B4GALNT3: variants seen among roughly 807,000 people sequenced by gnomAD.
B4GALNT3 encodes the protein beta-1,4-N-acetylgalactosaminyltransferase 3.
B4GALNT3 carries 86 observed loss-of-function variants against 120.2 expected under a neutral mutation model. The ratio of observed to expected loss-of-function variants is 0.72; its 90% CI spans 0.60 to 0.86. B4GALNT3 has a LOEUF of 0.86. Among genes scored for constraint, B4GALNT3 ranks in the 40% least tolerant of loss-of-function variants. The probability of loss-of-function intolerance (pLI) is 0.00; values close to 1 mark genes in which losing one functional copy is unlikely to be tolerated. For missense variants in B4GALNT3, 1,167 were observed against 1,298.9 expected, an observed-to-expected ratio of 0.90 and a Z score of 1.56; for synonymous variants, 518 against 510.4, an observed-to-expected ratio of 1.01 and a Z score of -0.20.
intron 1 of B4GALNT3, among the ~76,000 whole-genome samples, chr12:529,011 G>A (rs1184034533): frequency 2.0e-5 from 3 of 152,108 alleles, no homozygotes; most frequent in African/African-American, 7.2e-5. Context: ...GTTCACCCTG[G>A]ATCCTCAGGT....
At chr12:469,193 G>T (rs1016223325) in intron 1 of B4GALNT3, among the ~76,000 whole-genome samples, 2 of 152,126 alleles carry the variant, frequency 1.3e-5, no homozygotes, top group African/African-American at 2.4e-5. Context: ...CAGTTCAAGC[G>T]CCATGACTCA....
chr12:525,056 A>G (rs1946747596), intron 1 of B4GALNT3, among the ~76,000 whole-genome samples: 1 of 151,972 alleles, frequency 6.6e-6, no homozygotes, highest in Non-Finnish European at 1.5e-5. Context: ...TAGTCAGCGT[A>G]CAAGTCTAGC....
At position 460,122 on chromosome 12, in the gene B4GALNT3, G is replaced by A. The variant is rs1481564257; in HGVS notation, c.-255G>A. The stretch of plus-strand genomic sequence containing the variant: ...AGAGGCGTGGGGAGGAGAGCCCGGC[G>A]CGGAACACACGCGCGGAGGAGGAGC... On this transcript the variant is annotated 5_prime_UTR_variant, in exon 1 of 20. Coordinates refer to ENST00000266383, the MANE Select transcript of B4GALNT3 (RefSeq NM_173593.4). The surrounding 1 kb of genome is among the most constrained non-coding windows in gnomAD (Gnocchi z 8.0). Among the ~76,000 whole-genome samples, 1 of 151,046 alleles carries A rather than the reference G, an allele frequency of 6.6e-6. No individual in the cohort carries two copies. Among genetic ancestry groups the A allele is most frequent in the Non-Finnish European group, 1.5e-5 (1 of 67,572 alleles).
chr12:557,880 A>C, intron 16 of B4GALNT3, 119 bp downstream of exon 16: 2 of 1,473,650 alleles, frequency 1.4e-6, no homozygotes, highest in Non-Finnish European at 1.9e-6. Context: ...CTAGTCTCCA[A>C]CTTTTCCCAG....
rs1424834067 is a variant in B4GALNT3, at chr12:536,296, G to A, written c.351+1G>A. 6.2e-7 allele frequency: 1 copy of A among 1,609,956 alleles called. No homozygotes were observed. Among genetic ancestry groups the A allele is most frequent in the Admixed American group, 1.7e-5 (1 of 60,024 alleles). ...CAAGCCTGTCCCCTGGCTCTCAGAG[G>A]TGAGGGACTTTCTATTGTACCTGCC... On this transcript the variant is annotated splice_donor_variant, in intron 3 of 19. Coordinates refer to ENST00000266383, the MANE Select transcript of B4GALNT3 (RefSeq NM_173593.4). LOFTEE classifies it high-confidence loss of function.
At chr12:511,482 T>TCCACCTTCCACCTTCTTCCACCTTCCAC (rs1555154929) in intron 1 of B4GALNT3, among the ~76,000 whole-genome samples, 1 of 66,230 alleles carries the variant, frequency 1.5e-5, no homozygotes, top group Admixed American at 2.0e-4. Context: ...TCTTCCACCT[T>TCCACCTTCCACCTTCTTCCACCTTCCAC]CTTCCACCTT....
intron 1 of B4GALNT3, among the ~76,000 whole-genome samples, chr12:499,838 T>C (rs1193487536): frequency 6.6e-6 from 1 of 152,258 alleles, no homozygotes; most frequent in Non-Finnish European, 1.5e-5. Flanking sequence ...TGCCCTACTT[T>C]TCAAGAGAAA....
intron 1 of B4GALNT3, among the ~76,000 whole-genome samples, chr12:493,832 G>A (rs960090465): frequency 1.1e-4 from 17 of 152,218 alleles, no homozygotes; most frequent in African/African-American, 4.1e-4. Context: ...TAGGGGGTGA[G>A]TTTTATTAAT....
chr12:498,580 G>A (rs1463690876), intron 1 of B4GALNT3, among the ~76,000 whole-genome samples: 1 of 152,158 alleles, frequency 6.6e-6, no homozygotes, highest in Non-Finnish European at 1.5e-5. Flanking sequence ...GTGTGTATAA[G>A]ATAATGGTCT....
At chr12:545,337 G>T (rs773878406) in intron 5 of B4GALNT3, 32 bp from the exon 6 acceptor site, 4 of 1,589,768 alleles carry the variant, frequency 2.5e-6, no homozygotes, top group Non-Finnish European at 3.4e-6. Context: ...TGCCCTCCTT[G>T]CCCTCATCTG....
At chr12:478,776 A>G (rs1946208375) in intron 1 of B4GALNT3, among the ~76,000 whole-genome samples, 1 of 152,176 alleles carries the variant, frequency 6.6e-6, no homozygotes, top group African/African-American at 2.4e-5. Context: ...AAGGGGTGGA[A>G]GGGCAGGCAA....
Position 535,192 on chromosome 12 carries a change from A to G in B4GALNT3, c.196A>G (p.Lys66Glu). 1 of 1,613,720 alleles carries G rather than the reference A, an allele frequency of 6.2e-7. No individual in the cohort carries two copies. The highest frequency in any genetic ancestry group is 8.5e-7 in the Non-Finnish European group (1 of 1,179,882). The stretch of plus-strand genomic sequence containing the variant: ...GTACGGCAGCTGGAGAGAACTGGCC[A>G]AGGCTCTGGCCAGCAGGAACATTCC... ...RRYGSWRELA[K>E]ALASRNIPAV... is the part of the protein sequence containing the mutation. The change falls in exon 2 of 20, where the codon AAG (lysine) becomes GAG (glutamate). Residue 66 changes from lysine to glutamate, a missense_variant. Physicochemically the swap from Lys to Glu is moderately conservative, Grantham distance 56 (BLOSUM62 1). Transcript: ENST00000266383.
chr12:515,953 T>C (rs896754850), intron 1 of B4GALNT3, among the ~76,000 whole-genome samples: 11 of 151,674 alleles, frequency 7.3e-5, no homozygotes, highest in African/African-American at 2.4e-4. Context: ...CTGGCTAACG[T>C]GGTGAAACCC....
intron 1 of B4GALNT3, among the ~76,000 whole-genome samples, chr12:497,885 C>T (rs1946402762): frequency 6.6e-6 from 1 of 152,238 alleles, no homozygotes; most frequent in South Asian, 2.1e-4. Context: ...TGTTTTGATT[C>T]TTTACCCTAA....
intron 6 of B4GALNT3, among the ~76,000 whole-genome samples, chr12:545,933 G>A (rs1304871102): frequency 1.6e-5 from 1 of 62,772 alleles, no homozygotes; most frequent in African/African-American, 6.8e-5. Context: ...GAGTGGGGAG[G>A]TGAGAGGAGT....
chr12:530,559 T>C (rs533022522), intron 1 of B4GALNT3, among the ~76,000 whole-genome samples: 1 of 152,332 alleles, frequency 6.6e-6, no homozygotes, highest in Non-Finnish European at 1.5e-5. Context: ...AGCTGCCATG[T>C]GTTAAGGGCT....
At chr12:540,977 T>C (rs1039787715) in intron 3 of B4GALNT3, among the ~76,000 whole-genome samples, 1 of 152,138 alleles carries the variant, frequency 6.6e-6, no homozygotes, top group Admixed American at 6.5e-5. Context: ...TCTCCTGACC[T>C]CGTGATCCGC....
intron 12 of B4GALNT3, 80 bp from the exon 13 acceptor site, chr12:552,387 T>A: frequency 7.0e-7 from 1 of 1,424,222 alleles, no homozygotes; most frequent in South Asian, 1.2e-5. Context: ...AACGTCAGAC[T>A]CCTGCTGAGA....
intron 1 of B4GALNT3, among the ~76,000 whole-genome samples, chr12:491,244 CAT>C (rs1946337188): frequency 6.6e-6 from 1 of 151,510 alleles, no homozygotes; most frequent in Non-Finnish European, 1.5e-5. Context: ...TAATTAATCA[CAT>C]AGGCAAAAAA....
Sources: allele counts gnomAD v4.1 joint callset (sites outside exome capture counted in the v4.1 genomes callset), GRCh38; gene constraint gnomAD v4.1.1; non-coding constraint Gnocchi (gnomAD v3.1); transcripts MANE v1.5; gene names NCBI Gene and HGNC (gene_info 2026-07-23, HGNC 2026-07-21).